Variants in SMAD6 observed in about 807,000 individuals in gnomAD.
SMAD6 encodes SMAD family member 6, also known as MAD homolog 6.
A neutral mutation model predicts 39.4 loss-of-function variants in SMAD6; 103 were observed. That is an observed-to-expected ratio of 2.62 (90% CI 2.23 to 3.08). The LOEUF (loss-of-function observed/expected upper bound fraction) is 3.08, where lower values mean the gene tolerates loss of function less well. Ranked by LOEUF, SMAD6 falls within the 30% of genes most tolerant of loss-of-function variation. The pLI is 0.00. For synonymous variants in SMAD6, 445 were observed against 353.3 expected (o/e 1.26, Z -2.91); for missense variants, 1,104 against 742.9 (o/e 1.49, Z -5.65).
At position 66,730,301 on chromosome 15, in the gene SMAD6, G is replaced by A. The variant is rs764329364; in HGVS notation, c.952+13803G>A. Among the ~76,000 whole-genome samples the A allele has an allele frequency of 2.6e-5, 4 of 152,282 alleles. 1 individual carries two copies. The highest frequency in any genetic ancestry group is 2.4e-5 in the African/African-American group (1 of 41,550). On this transcript the variant is annotated intron_variant, in intron 3 of 3. Transcript: ENST00000288840. Reference sequence around the variant, plus strand: ...CTCTTTCTGACAGCTTCTTTTCTTTGATTTTGTTACATCTGATTTGTCGGT... The same window carrying A: ...CTCTTTCTGACAGCTTCTTTTCTTTAATTTTGTTACATCTGATTTGTCGGT...
intron 3 of SMAD6, among the ~76,000 whole-genome samples, chr15:66,743,693 A>G: frequency 6.6e-6 from 1 of 152,282 alleles, no homozygotes; most frequent in South Asian, 2.1e-4. Context: ...TAATTATATT[A>G]TTCTTCTTAA....
intron 3 of SMAD6, among the ~76,000 whole-genome samples, chr15:66,762,397 T>C (rs1259437173): frequency 6.6e-6 from 1 of 152,190 alleles, no homozygotes; most frequent in Non-Finnish European, 1.5e-5. Flanking sequence ...TTCTGCTGGC[T>C]GAAACCCAAA....
Position 66,703,563 on chromosome 15 carries a change from GCT to G in SMAD6, c.307_308del (p.Ser103ProfsTer17). 8.2e-7 allele frequency: 1 copy of G among 1,223,866 alleles called. No individual in the cohort carries two copies. Among genetic ancestry groups the G allele is most frequent in the Non-Finnish European group, 1.0e-6 (1 of 980,226 alleles). The allele number at this position is 1,223,866 out of a possible 1,614,324, so 75.8% of individuals were successfully genotyped here. Reference sequence around the variant, plus strand: ...TCGGAGCCAGGGGCCGGCGCTGGGAGCTCCCTGCTGGACGTGGCGGAGCCGGG... The same window carrying G: ...TCGGAGCCAGGGGCCGGCGCTGGGAGCCCTGCTGGACGTGGCGGAGCCGGG... On this transcript the variant is annotated frameshift_variant, in exon 1 of 4. Coordinates refer to ENST00000288840, the MANE Select transcript of SMAD6 (RefSeq NM_005585.5). LOFTEE classifies it high-confidence loss of function.
chr15:66,781,478 G>A lies in SMAD6; in HGVS notation c.1434G>A (p.Arg478=). 6.3e-7 allele frequency: 1 copy of A among 1,599,422 alleles called. No individual in the cohort carries two copies. ...AGGGCTGGGGGCCCTGCTACTCCCGGCAGTTCATCACCTCCTGCCCCTGCT... is the reference window on the plus strand; with the variant it reads ...AGGGCTGGGGGCCCTGCTACTCCCGACAGTTCATCACCTCCTGCCCCTGCT... ...FAKGWGPCYS[R]QFITSCPCWL... is the part of the protein sequence containing the mutation. Residue 478 remains arginine, a synonymous_variant, in exon 4 of 4, where the codon CGG becomes CGA. Transcript: ENST00000288840.
At chr15:66,740,631 T>A (rs1893797110) in intron 3 of SMAD6, 1 of 152,192 alleles carries the variant, frequency 6.6e-6, no homozygotes, top group African/African-American at 2.4e-5. Flanking sequence ...TGCCAGGTGC[T>A]GAGTACTGTG....
chr15:66,708,554 A>C, intron 1 of SMAD6: 1 of 355,900 alleles, frequency 2.8e-6, no homozygotes, highest in East Asian at 7.5e-5. Flanking sequence ...TAAATGAAAT[A>C]TGGTACGTCC....
chr15:66,724,882 AC>A (rs763691713), intron 3 of SMAD6, among the ~76,000 whole-genome samples: 23 of 152,058 alleles, frequency 1.5e-4, no homozygotes, highest in Non-Finnish European at 3.2e-4. Context: ...GATGGCCCCT[AC>A]CCCTCACTAT....
At chr15:66,760,546 G>A (rs913026920) in intron 3 of SMAD6, among the ~76,000 whole-genome samples, 1 of 152,214 alleles carries the variant, frequency 6.6e-6, no homozygotes, top group Non-Finnish European at 1.5e-5. Context: ...TCATCCTCAT[G>A]GCTGCTCCTG....
intron 3 of SMAD6, among the ~76,000 whole-genome samples, chr15:66,759,039 A>C (rs916586242): frequency 6.6e-6 from 1 of 152,230 alleles, no homozygotes; most frequent in African/African-American, 2.4e-5. Flanking sequence ...CAACTCTGCC[A>C]CTGTAGCCCG....
rs1893023100 is a variant in SMAD6, at chr15:66,703,420, C to T, written c.162C>T (p.Gly54=). The T allele has an allele frequency of 7.6e-7, 1 of 1,313,802 alleles. No homozygotes were observed. Among genetic ancestry groups the T allele is most frequent in the Non-Finnish European group, 9.7e-7 (1 of 1,029,508 alleles). 81.4% of individuals were successfully genotyped at this position (1,313,802 alleles called of 1,614,324 possible). A position where few individuals can be genotyped will look rare whatever the true frequency, so the allele number is the denominator to read the frequency against. The change falls in exon 1 of 4, where the codon GGC becomes GGT. Residue 54 remains glycine (G), a synonymous_variant. Coordinates refer to ENST00000288840, the MANE Select transcript of SMAD6 (RefSeq NM_005585.5). ...CCCCGCGGGCAAGAGAGGGCGGAGG[C>T]TGCGGCCGCTCCGAAGTCCGCCCGG... ...EPAPRAREGG[G]CGRSEVRPVA... is the part of the protein sequence containing the mutation.
chr15:66,769,889 G>A (rs939019846), intron 3 of SMAD6, among the ~76,000 whole-genome samples: 40 of 152,018 alleles, frequency 2.6e-4, no homozygotes, highest in Admixed American at 9.8e-4. Context: ...GTGCAGTGGC[G>A]CAATCTTGGC....
At chr15:66,729,597 C>T (rs766953575) in intron 3 of SMAD6, among the ~76,000 whole-genome samples, 7 of 152,072 alleles carry the variant, frequency 4.6e-5, no homozygotes, top group Non-Finnish European at 7.4e-5. Flanking sequence ...GGGCCCCAGG[C>T]GAGGGGGCGC....
chr15:66,746,751 C>T (rs551425423), intron 3 of SMAD6, among the ~76,000 whole-genome samples: 1 of 152,168 alleles, frequency 6.6e-6, no homozygotes, highest in East Asian at 1.9e-4. Context: ...CTCAGGTGAC[C>T]AGGTAGGGTG....
chr15:66,711,672 T>TC lies in SMAD6; in HGVS notation c.824dup (p.Pro276AlafsTer27). The TC allele has an allele frequency of 6.2e-7, 1 of 1,613,810 alleles. No individual in the cohort carries two copies. ...ATGCTGTCTCCTGTCTTCCAGAATCTCCGCCACCTCCCTACTCTCGGCTGT... is the reference window on the plus strand; with the variant it reads ...ATGCTGTCTCCTGTCTTCCAGAATCTCCCGCCACCTCCCTACTCTCGGCTGT... On this transcript the variant is annotated frameshift_variant, in exon 2 of 4. Coordinates refer to ENST00000288840, the MANE Select transcript of SMAD6 (RefSeq NM_005585.5). LOFTEE classifies it high-confidence loss of function.
intron 3 of SMAD6, among the ~76,000 whole-genome samples, chr15:66,743,577 T>C (rs547815829): frequency 0.11 from 3,968 of 35,318 alleles, 84 homozygotes; most frequent in Non-Finnish European, 0.16. Flanking sequence ...TCCTCTTTCC[T>C]TTTTTTTTTT....
In SMAD6 at chr15:66,703,519, G is replaced by A. The variant is rs1595756699; in HGVS notation, c.261G>A (p.Gly87=). Residue 87 remains glycine (G), a synonymous_variant, in exon 1 of 4, where the codon GGG becomes GGA. Coordinates refer to ENST00000288840, the MANE Select transcript of SMAD6 (RefSeq NM_005585.5). ...GCGCGGGGAGGCGCCGGCGCGCAGG[G>A]GGCCCCCCGAGGCCCATGTCGGAGC... is the stretch of plus-strand genomic sequence containing the variant. ...AQGAGRRRRA[G]GPPRPMSEPG... is the part of the protein sequence containing the mutation. 1 of 1,222,646 alleles carries A rather than the reference G, an allele frequency of 8.2e-7. No homozygotes were observed. Among genetic ancestry groups the A allele is most frequent in the South Asian group, 4.1e-5 (1 of 24,366 alleles). The allele number at this position is 1,222,646 out of a possible 1,614,324, so 75.7% of individuals were successfully genotyped here.
chr15:66,716,415 C>G lies in SMAD6; in HGVS notation c.875-6C>G. The stretch of plus-strand genomic sequence containing the variant: ...AACTAAGTTCTCTTTTTCTTTCCTC[C>G]CACAGATCTGTCCGATTCCACATTG... On this transcript the variant is annotated splice_polypyrimidine_tract_variant and splice_region_variant and intron_variant, in intron 2 of 3. Transcript: ENST00000288840. 1 of 1,609,900 alleles carries G rather than the reference C, an allele frequency of 6.2e-7. No individual in the cohort carries two copies. The highest frequency in any genetic ancestry group is 8.5e-7 in the Non-Finnish European group (1 of 1,176,098).
At chr15:66,713,423 G>T (rs977411287) in intron 2 of SMAD6, among the ~76,000 whole-genome samples, 3 of 152,142 alleles carry the variant, frequency 2.0e-5, no homozygotes, top group Non-Finnish European at 4.4e-5. Flanking sequence ...GGGTTCAAGC[G>T]ATTCTTCTGC....
At chr15:66,718,112 G>A (rs1445164826) in intron 3 of SMAD6, among the ~76,000 whole-genome samples, 2 of 12,904 alleles carry the variant, frequency 1.5e-4, no homozygotes, top group Admixed American at 6.8e-4. Flanking sequence ...TGGAAAGTCC[G>A]TGTGTGTGTG....
Sources: gnomAD v4.1 joint callset for allele counts (sites outside exome capture counted in the v4.1 genomes callset) on GRCh38, gnomAD v4.1.1 for gene constraint, MANE v1.5 for transcripts, NCBI Gene and HGNC (gene_info 2026-07-23, HGNC 2026-07-21) for gene names.